Variants in NPAS3 observed in about 807,000 individuals in gnomAD.
NPAS3 encodes the protein neuronal PAS domain-containing protein 3.
A neutral mutation model predicts 73.1 loss-of-function variants in NPAS3; 14 were observed. The ratio of observed to expected loss-of-function variants is 0.19; its 90% CI spans 0.13 to 0.30. The LOEUF (loss-of-function observed/expected upper bound fraction) is 0.30. Among genes scored for constraint, NPAS3 ranks in the 10% least tolerant of loss-of-function variants. The pLI is 1.00. For missense variants in NPAS3, 1,096 were observed against 1,250.0 expected (o/e 0.88, Z 1.86); for synonymous variants, 620 against 541.5 (o/e 1.14, Z -2.01).
chr14:33,132,927 T>G (rs1444533037), intron 2 of NPAS3, among the ~76,000 whole-genome samples: 2 of 152,194 alleles, frequency 1.3e-5, no homozygotes, highest in Admixed American at 1.3e-4. Context: ...ATTTTGCACA[T>G]AAGAAATTGA....
intron 2 of NPAS3, among the ~76,000 whole-genome samples, chr14:33,147,730 A>AAAAATATATATATATATAT (rs372663411): frequency 7.7e-5 from 10 of 130,388 alleles, no homozygotes; most frequent in African/African-American, 3.2e-4. Context: ...TAGAATAAAA[A>AAAAATATATATATATATAT]ATATATATAT....
intron 5 of NPAS3, among the ~76,000 whole-genome samples, chr14:33,635,985 C>A (rs1388459103): frequency 6.6e-6 from 1 of 152,200 alleles, no homozygotes; most frequent in Non-Finnish European, 1.5e-5. Context: ...GCTCTTGTTG[C>A]CCAGGCTGGA....
At chr14:33,007,780 T>G (rs2039048272) in intron 1 of NPAS3, among the ~76,000 whole-genome samples, 1 of 152,204 alleles carries the variant, frequency 6.6e-6, no homozygotes, top group South Asian at 2.1e-4. Context: ...TATTTCTGGC[T>G]TTGAGGGCCA....
intron 3 of NPAS3, among the ~76,000 whole-genome samples, chr14:33,329,770 G>A (rs1197974333): frequency 5.3e-5 from 8 of 152,016 alleles, no homozygotes; most frequent in African/African-American, 1.9e-4. Context: ...CTTTTAGTAA[G>A]TAAGCCCTTT....
intron 7 of NPAS3, among the ~76,000 whole-genome samples, chr14:33,755,759 C>T (rs984966121): frequency 5.9e-5 from 9 of 151,826 alleles, no homozygotes; most frequent in South Asian, 2.1e-4. Flanking sequence ...ATTTGGCTCA[C>T]GGTTTTGCAG....
intron 2 of NPAS3, among the ~76,000 whole-genome samples, chr14:33,093,572 G>A (rs1031730995): frequency 1.3e-5 from 2 of 152,094 alleles, no homozygotes; most frequent in Non-Finnish European, 2.9e-5. Context: ...GATTCCTCAG[G>A]GATCTAGAAC....
intron 3 of NPAS3, among the ~76,000 whole-genome samples, chr14:33,242,525 A>G (rs1287489339): frequency 6.6e-6 from 1 of 152,138 alleles, no homozygotes; most frequent in Non-Finnish European, 1.5e-5. Flanking sequence ...AGCTTAGTGA[A>G]TCATTTTTCA....
At chr14:33,667,337 G>A (rs1228934946) in intron 5 of NPAS3, among the ~76,000 whole-genome samples, 1 of 152,172 alleles carries the variant, frequency 6.6e-6, no homozygotes, top group Non-Finnish European at 1.5e-5. Context: ...GATTACATGT[G>A]TGTGATTACA....
chr14:33,544,713 C>T (rs1358412927), intron 4 of NPAS3, among the ~76,000 whole-genome samples: 1 of 123,618 alleles, frequency 8.1e-6, no homozygotes, highest in African/African-American at 3.6e-5. Context: ...TTAAGTCACC[C>T]AATCTGTGGT....
At chr14:33,377,839 G>A (rs1358398509) in intron 4 of NPAS3, among the ~76,000 whole-genome samples, 1 of 152,144 alleles carries the variant, frequency 6.6e-6, no homozygotes, top group Non-Finnish European at 1.5e-5. Flanking sequence ...AAGTGAAACA[G>A]TAATCTGAAA....
At chr14:32,940,039 T>G (rs553281855) in intron 1 of NPAS3, among the ~76,000 whole-genome samples, 1 of 152,236 alleles carries the variant, frequency 6.6e-6, no homozygotes, top group African/African-American at 2.4e-5. Flanking sequence ...GCTCTCATCT[T>G]CCCCTCCTCT....
At chr14:33,632,631 A>G (rs546931324) in intron 5 of NPAS3, among the ~76,000 whole-genome samples, 1 of 152,264 alleles carries the variant, frequency 6.6e-6, no homozygotes, top group South Asian at 2.1e-4. Context: ...CCACAGATCT[A>G]CAGATCCAAG....
intron 4 of NPAS3, among the ~76,000 whole-genome samples, chr14:33,518,802 A>G (rs1024588685): frequency 6.6e-6 from 1 of 152,040 alleles, no homozygotes; most frequent in African/African-American, 2.4e-5. Flanking sequence ...CCTTCTTAGA[A>G]CAATCAGTTA....
At chr14:33,380,958 G>T (rs2046523742) in intron 4 of NPAS3, among the ~76,000 whole-genome samples, 2 of 151,660 alleles carry the variant, frequency 1.3e-5, no homozygotes, top group African/African-American at 4.8e-5. Context: ...CTGGTATAGA[G>T]ATTAGACCAA....
intron 1 of NPAS3, among the ~76,000 whole-genome samples, chr14:33,012,729 T>C (rs1268450705): frequency 6.6e-6 from 1 of 152,124 alleles, no homozygotes; most frequent in Non-Finnish European, 1.5e-5. Flanking sequence ...TTTGTATTTT[T>C]AGTAGAGACG....
chr14:33,413,779 G>A (rs537488087), intron 4 of NPAS3, among the ~76,000 whole-genome samples: 5 of 152,196 alleles, frequency 3.3e-5, no homozygotes, highest in East Asian at 3.9e-4. Context: ...GCAAAGTATC[G>A]TTTCTGCCTC....
At chr14:33,699,450 G>A (rs966861746) in intron 6 of NPAS3, among the ~76,000 whole-genome samples, 8 of 152,062 alleles carry the variant, frequency 5.3e-5, no homozygotes, top group South Asian at 2.1e-4. Flanking sequence ...TTATTTGCAC[G>A]GAATCACCAA....
rs1292246706 is a variant in NPAS3, at chr14:33,287,996, ATC to A, written c.385+72574_385+72575del. 2.6e-5 allele frequency among the ~76,000 whole-genome samples: 4 copies of A among 151,936 alleles called. No individual in the cohort carries two copies. In the East Asian group the frequency reaches 7.7e-4, roughly 29 times the overall value. The stretch of plus-strand genomic sequence containing the variant: ...TCAGTTTTATAAGCACACCAACCAT[ATC>A]TCTTAGTTGCACTATCTAGTATTTA... On this transcript the variant is annotated intron_variant, in intron 3 of 11. Transcript: ENST00000356141.
intron 1 of NPAS3, among the ~76,000 whole-genome samples, chr14:32,977,898 C>G (rs2037752283): frequency 6.6e-6 from 1 of 152,114 alleles, no homozygotes; most frequent in Non-Finnish European, 1.5e-5. Flanking sequence ...TATTTATCAG[C>G]ATTATTGTTG....
Sources: gnomAD v4.1 joint callset for allele counts (sites outside exome capture counted in the v4.1 genomes callset) on GRCh38, gnomAD v4.1.1 for gene constraint, MANE v1.5 for transcripts, NCBI Gene and HGNC (gene_info 2026-07-23, HGNC 2026-07-21) for gene names.